SARDH: variants seen among roughly 807,000 people sequenced by gnomAD.
The protein encoded by SARDH is sarcosine dehydrogenase.
Under a neutral mutation model 109.1 loss-of-function variants are expected in SARDH, and 95 were observed. That is an observed-to-expected ratio of 0.87 (90% CI 0.74 to 1.03). The LOEUF is 1.03. Ranked by LOEUF, SARDH falls within the 50% of genes least tolerant of loss-of-function variation. The probability of loss-of-function intolerance (pLI) is 0.00; values close to 1 mark genes in which losing one functional copy is unlikely to be tolerated. For synonymous variants in SARDH, 572 were observed against 534.8 expected (o/e 1.07, Z -0.96); for missense variants, 1,267 against 1,287.8 (o/e 0.98, Z 0.25).
At chr9:133,734,853 C>T (rs553164644) in intron 1 of SARDH, among the ~76,000 whole-genome samples, 90 of 152,300 alleles carry the variant, frequency 5.9e-4, no homozygotes, top group African/African-American at 1.8e-3. Flanking sequence ...AGAGCCCTTT[C>T]GGAGCTCAAG....
chr9:133,736,202 G>A (rs1306132994), intron 1 of SARDH, among the ~76,000 whole-genome samples: 1 of 152,208 alleles, frequency 6.6e-6, no homozygotes, highest in Admixed American at 6.5e-5. Flanking sequence ...CCCTGAAAGG[G>A]GGTTTCTCCA....
chr9:133,699,334 C>A (rs1000327254), intron 13 of SARDH, among the ~76,000 whole-genome samples: 2 of 152,004 alleles, frequency 1.3e-5, no homozygotes, highest in African/African-American at 4.8e-5. Context: ...TGGAGAAACC[C>A]CATCTCTACT....
chr9:133,677,099 A>G (rs1333487416), intron 17 of SARDH, among the ~76,000 whole-genome samples: 32 of 152,144 alleles, frequency 2.1e-4, no homozygotes, highest in Non-Finnish European at 4.1e-4. Flanking sequence ...AGGTCGCCCC[A>G]CTGCACTCCA....
At position 133,717,374 on chromosome 9, in the gene SARDH, C is replaced by T; in HGVS notation, c.1102G>A (p.Val368Ile). 6.2e-7 allele frequency: 1 copy of T among 1,614,152 alleles called. No individual in the cohort carries two copies. The highest frequency in any genetic ancestry group is 1.3e-5 in the African/African-American group (1 of 75,044). ...ATTCCTGTCTTCTCCAGCACGGGGA[C>T]CCTGTTGATGGCGCCTTCAATGTGC... The part of the protein sequence containing the change: ...TQHIEGAINR[V>I]PVLEKTGIKS... Residue 368 changes from valine to isoleucine, a missense_variant, in exon 8 of 21, where the codon GTC becomes ATC. Physicochemically the swap from Val to Ile is conservative, Grantham distance 29 (BLOSUM62 3). Coordinates refer to ENST00000439388, the MANE Select transcript of SARDH (RefSeq NM_001134707.2).
chr9:133,703,038 A>T lies in SARDH; in HGVS notation c.1555-9T>A. On this transcript the variant is annotated splice_polypyrimidine_tract_variant and intron_variant, in intron 12 of 20. Transcript: ENST00000439388. ...TAGTCGTACTCGAGGACCTGGGAAG[A>T]AAAGACGTGGTCCTCAGCCTGCCTC... is the stretch of plus-strand genomic sequence containing the variant. 6.2e-7 allele frequency: 1 copy of T among 1,610,058 alleles called. No individual in the cohort carries two copies.
At chr9:133,677,968 A>C (rs1564241335) in intron 17 of SARDH, among the ~76,000 whole-genome samples, 1 of 152,192 alleles carries the variant, frequency 6.6e-6, no homozygotes, top group Non-Finnish European at 1.5e-5. Flanking sequence ...CACTACTATG[A>C]CCATGGCTAT....
At chr9:133,694,863 A>AACAG (rs1831227337) in intron 14 of SARDH, among the ~76,000 whole-genome samples, 4 of 151,944 alleles carry the variant, frequency 2.6e-5, no homozygotes, top group Admixed American at 2.6e-4. Flanking sequence ...CAGAAGGGGG[A>AACAG]ACAGATGTAT....
At chr9:133,700,877 C>G (rs189571865) in intron 13 of SARDH, among the ~76,000 whole-genome samples, 11 of 152,306 alleles carry the variant, frequency 7.2e-5, no homozygotes, top group African/African-American at 2.4e-4. Context: ...ACATGCCCCC[C>G]ACTGCTGAGC....
At chr9:133,702,153 C>T (rs1831511772) in intron 13 of SARDH, among the ~76,000 whole-genome samples, 1 of 152,246 alleles carries the variant, frequency 6.6e-6, no homozygotes, top group Non-Finnish European at 1.5e-5. Context: ...ACGGGGACAA[C>T]AGCTGTGCTC....
Position 133,666,831 on chromosome 9 carries a change from G to T in SARDH, c.2535C>A (p.Asn845Lys), listed in dbSNP as rs146458678. 2 of 1,610,606 alleles carry T rather than the reference G, an allele frequency of 1.2e-6. No individual in the cohort carries two copies. The highest frequency in any genetic ancestry group is 2.7e-5 in the African/African-American group (2 of 74,892). ...TCCGGACATGGCCCACCACTTGGCC[G>T]TTCCTCCAGATGGCCTCCAGGCCAA... ...PMFGLEAIWRNGQVVGHVRRA... is the reference protein window; with the variant it reads ...PMFGLEAIWRKGQVVGHVRRA... The change falls in exon 20 of 21, where the codon AAC (asparagine) becomes AAA (lysine). Residue 845 changes from asparagine (N) to lysine (K), a missense_variant. Asn to Lys is a moderately conservative substitution (Grantham distance 94, BLOSUM62 0). Transcript: ENST00000439388. This position sits in a 1 kb window ranked among gnomAD's most constrained non-coding sequence, Gnocchi z 5.2.
chr9:133,676,555 C>T (rs868697497), intron 17 of SARDH, among the ~76,000 whole-genome samples: 2 of 152,192 alleles, frequency 1.3e-5, no homozygotes, highest in South Asian at 2.1e-4. Context: ...GGCACTTTCT[C>T]GACATCCTGG....
At chr9:133,694,770 G>C (rs1438329976) in intron 14 of SARDH, among the ~76,000 whole-genome samples, 1 of 152,236 alleles carries the variant, frequency 6.6e-6, no homozygotes, top group Non-Finnish European at 1.5e-5. Flanking sequence ...ATAAATGTCT[G>C]TGGCATAAAT....
At chr9:133,678,619 G>A (rs1282974905) in intron 17 of SARDH, among the ~76,000 whole-genome samples, 1 of 152,198 alleles carries the variant, frequency 6.6e-6, no homozygotes, top group Non-Finnish European at 1.5e-5. Flanking sequence ...CTGGGAGTGA[G>A]AAGCACTGCA....
chr9:133,668,443 T>TACCCTCCCTCTCCCTC (rs1554741306), intron 19 of SARDH, among the ~76,000 whole-genome samples: 1 of 12,774 alleles, frequency 7.8e-5, no homozygotes, highest in Non-Finnish European at 1.2e-4. Context: ...CCCTCTCCCT[T>TACCCTCCCTCTCCCTC]ACCCTCCCTC....
chr9:133,691,386 C>G (rs1020313388), intron 15 of SARDH, among the ~76,000 whole-genome samples: 3 of 152,308 alleles, frequency 2.0e-5, no homozygotes, highest in African/African-American at 4.8e-5. Context: ...TCCCTGAAAA[C>G]AAGACGCCAG....
intron 16 of SARDH, among the ~76,000 whole-genome samples, chr9:133,685,566 G>C (rs2502735): frequency 0.99 from 150,869 of 152,270 alleles, 74,755 homozygotes; most frequent in East Asian, 1. Context: ...AGATGGGGAA[G>C]TGAGGCCAGA....
At position 133,666,545 on chromosome 9, in the gene SARDH, TC is replaced by T. The variant is rs918987406; in HGVS notation, c.2631+189del. On this transcript the variant is annotated intron_variant, in intron 20 of 20. Coordinates refer to ENST00000439388, the MANE Select transcript of SARDH (RefSeq NM_001134707.2). This position sits in a 1 kb window ranked among gnomAD's most constrained non-coding sequence, Gnocchi z 5.2. ...CTCCTTCCTCTCTCCCCTTTTTCCT[TC>T]CCCCTCCTTCTCCTCCTTCCTTCCT... Among the ~76,000 whole-genome samples, 14 of 145,024 alleles carry T rather than the reference TC, an allele frequency of 9.7e-5. No homozygotes were observed. The highest frequency in any genetic ancestry group is 1.8e-4 in the Non-Finnish European group (12 of 66,244).
chr9:133,727,858 G>T (rs758373574), intron 6 of SARDH, among the ~76,000 whole-genome samples: 1 of 152,152 alleles, frequency 6.6e-6, no homozygotes, highest in Non-Finnish European at 1.5e-5. Context: ...CCCTGGAAAG[G>T]CACCTCAAAG....
rs1306770428 is a variant in SARDH at position 133,712,048 on chromosome 9, G to T, written c.1328+571C>A. On this transcript the variant is annotated intron_variant, in intron 10 of 20. Coordinates refer to ENST00000439388, the MANE Select transcript of SARDH (RefSeq NM_001134707.2). This position sits in a 1 kb window ranked among gnomAD's most constrained non-coding sequence, Gnocchi z 4.1. ...CACCAGCACCCCAGTCCATGCCTCG[G>T]CTGGGGATGACTTAGCGTTTCCATG... is the stretch of plus-strand genomic sequence containing the variant. Among the ~76,000 whole-genome samples, 6 of 152,206 alleles carry T rather than the reference G, an allele frequency of 3.9e-5. No individual in the cohort carries two copies. Among genetic ancestry groups the T allele is most frequent in the Admixed American group, 3.9e-4 (6 of 15,284 alleles).
Sources: gnomAD v4.1 joint callset for allele counts (sites outside exome capture counted in the v4.1 genomes callset) on GRCh38, gnomAD v4.1.1 for gene constraint, Gnocchi (gnomAD v3.1) non-coding constraint, MANE v1.5 for transcripts, NCBI Gene and HGNC (gene_info 2026-07-23, HGNC 2026-07-21) for gene names.